DLGAP2: variants seen among roughly 807,000 people sequenced by gnomAD.
The protein encoded by DLGAP2 is disks large-associated protein 2.
A neutral mutation model predicts 100.3 loss-of-function variants in DLGAP2; 26 were observed. That is an observed-to-expected ratio of 0.26 (90% CI 0.19 to 0.36). DLGAP2 has a LOEUF of 0.36. Ranked by LOEUF, DLGAP2 falls within the 10% of genes least tolerant of loss-of-function variation. The probability of loss-of-function intolerance (pLI) is 1.00; values close to 1 mark genes in which losing one functional copy is unlikely to be tolerated. For synonymous variants in DLGAP2, 886 were observed against 630.1 expected (o/e 1.41, Z -6.08); for missense variants, 1,858 against 1,453.2 (o/e 1.28, Z -4.53).
At chr8:1,132,464 A>G (rs1796313626) in intron 2 of DLGAP2, among the ~76,000 whole-genome samples, 1 of 152,218 alleles carries the variant, frequency 6.6e-6, no homozygotes, top group African/African-American at 2.4e-5. Flanking sequence ...GAATCAACTA[A>G]ATAATTAAAA....
chr8:1,285,485 G>T (rs569490758), intron 3 of DLGAP2, among the ~76,000 whole-genome samples: 96 of 152,284 alleles, frequency 6.3e-4, no homozygotes, highest in Admixed American at 1.6e-3. Context: ...ATGATGGAAG[G>T]CCTGTCTGGA....
intron 1 of DLGAP2, among the ~76,000 whole-genome samples, chr8:885,738 A>G (rs1461216824): frequency 1.3e-5 from 2 of 152,136 alleles, no homozygotes; most frequent in East Asian, 1.9e-4. Flanking sequence ...TGCTCATTCA[A>G]TATGATATTG....
At chr8:1,230,425 G>A (rs1254776957) in intron 2 of DLGAP2, among the ~76,000 whole-genome samples, 1 of 152,102 alleles carries the variant, frequency 6.6e-6, no homozygotes, top group Non-Finnish European at 1.5e-5. Context: ...TGTTAAAATG[G>A]CTGTACTGCC....
intron 2 of DLGAP2, among the ~76,000 whole-genome samples, chr8:1,183,418 G>C (rs552037752): frequency 1.3e-5 from 2 of 152,328 alleles, no homozygotes; most frequent in African/African-American, 4.8e-5. Context: ...ATTGATATTT[G>C]ATCTAGTTAG....
chr8:756,854 C>A (rs952653128), intron 1 of DLGAP2, among the ~76,000 whole-genome samples: 1 of 152,170 alleles, frequency 6.6e-6, no homozygotes, highest in Non-Finnish European at 1.5e-5. Flanking sequence ...CCGGGATAAT[C>A]TTTCTGGAGC....
intron 4 of DLGAP2, among the ~76,000 whole-genome samples, chr8:1,525,665 G>C (rs771677825): frequency 6.6e-6 from 1 of 152,244 alleles, no homozygotes; most frequent in African/African-American, 2.4e-5. Context: ...AATGCTGGGA[G>C]GTTCTTCCTG....
chr8:1,199,070 G>A (rs1563248348), intron 2 of DLGAP2, among the ~76,000 whole-genome samples: 1 of 152,224 alleles, frequency 6.6e-6, no homozygotes, highest in Non-Finnish European at 1.5e-5. Flanking sequence ...AGACTGCTCA[G>A]TTTAGAAAGG....
At chr8:1,065,355 A>G (rs1055370738) in intron 2 of DLGAP2, among the ~76,000 whole-genome samples, 12 of 152,204 alleles carry the variant, frequency 7.9e-5, no homozygotes, top group African/African-American at 2.4e-4. Flanking sequence ...AAGTCATCAC[A>G]TTTTCATTTA....
At chr8:1,630,677 G>A (rs1391588014) in intron 7 of DLGAP2, among the ~76,000 whole-genome samples, 1 of 151,906 alleles carries the variant, frequency 6.6e-6, no homozygotes, top group Middle Eastern at 3.2e-3. Context: ...ACTCCAGCCT[G>A]GGCGACAGAG....
rs1799575439 is a variant in DLGAP2, at chr8:1,701,653, G to A, written c.*247G>A. ...GGTGGCCTGGCTCACACTTGGCTCT[G>A]AGGGACAGGTGTGGCGAGACCTGAT... is the stretch of plus-strand genomic sequence containing the variant. On this transcript the variant is annotated 3_prime_UTR_variant, in exon 15 of 15. Transcript: ENST00000637795. 2 of 556,924 alleles carry A rather than the reference G, an allele frequency of 3.6e-6. No individual in the cohort carries two copies. The highest frequency in any genetic ancestry group is 6.2e-5 in the East Asian group (2 of 32,078). The allele number at this position is 556,924 out of a possible 1,614,324, so 34.5% of individuals were successfully genotyped here.
chr8:966,996 G>GCAA (rs1453723418), intron 2 of DLGAP2, among the ~76,000 whole-genome samples: 1 of 152,244 alleles, frequency 6.6e-6, no homozygotes, highest in Non-Finnish European at 1.5e-5. Flanking sequence ...GCGTGACATT[G>GCAA]CAAATATGGA....
At chr8:1,210,189 G>A (rs1798074094) in intron 2 of DLGAP2, among the ~76,000 whole-genome samples, 1 of 152,104 alleles carries the variant, frequency 6.6e-6, no homozygotes, top group Admixed American at 6.5e-5. Flanking sequence ...AGTGGGCTCT[G>A]CTGGGCATGT....
chr8:1,407,819 C>T (rs1429003902), intron 3 of DLGAP2, among the ~76,000 whole-genome samples: 2 of 149,580 alleles, frequency 1.3e-5, no homozygotes, highest in East Asian at 2.0e-4. Flanking sequence ...TGAGTGCTTA[C>T]TGAGCGCCAC....
intron 3 of DLGAP2, among the ~76,000 whole-genome samples, chr8:1,384,412 AC>A (rs1253748033): frequency 2.2e-5 from 2 of 92,520 alleles, no homozygotes; most frequent in Non-Finnish European, 4.8e-5. Context: ...GTGCTCAGTT[AC>A]CCCGGCCTGT....
At chr8:1,240,237 GGCGCC>G (rs1798756486) in intron 2 of DLGAP2, among the ~76,000 whole-genome samples, 21 of 94,034 alleles carry the variant, frequency 2.2e-4, no homozygotes, top group South Asian at 3.4e-4. Flanking sequence ...TCTCTCACAT[GGCGCC>G]GTGTCTAGTT....
intron 2 of DLGAP2, among the ~76,000 whole-genome samples, chr8:1,136,593 C>G (rs1796419314): frequency 6.6e-6 from 1 of 152,148 alleles, no homozygotes. Context: ...AGATCTAGTG[C>G]CTGGTGCACA....
chr8:1,531,104 A>C (rs1283872765), intron 4 of DLGAP2, among the ~76,000 whole-genome samples: 1 of 152,214 alleles, frequency 6.6e-6, no homozygotes, highest in African/African-American at 2.4e-5. Flanking sequence ...CATTCCCTTG[A>C]AAGTGCTGAA....
intron 2 of DLGAP2, among the ~76,000 whole-genome samples, chr8:1,150,009 G>A (rs1025858131): frequency 2.0e-5 from 3 of 152,204 alleles, no homozygotes; most frequent in Admixed American, 2.0e-4. Flanking sequence ...TAAGACATCA[G>A]TGTTATTGTT....
intron 2 of DLGAP2, among the ~76,000 whole-genome samples, chr8:1,068,074 A>G (rs1026237564): frequency 6.6e-6 from 1 of 152,154 alleles, no homozygotes; most frequent in African/African-American, 2.4e-5. Flanking sequence ...GCCTTTTCAA[A>G]TGGGCTTCGT....
Sources: gnomAD v4.1 joint callset for allele counts (sites outside exome capture counted in the v4.1 genomes callset) on GRCh38, gnomAD v4.1.1 for gene constraint, MANE v1.5 for transcripts, NCBI Gene and HGNC (gene_info 2026-07-23, HGNC 2026-07-21) for gene names.